Variants in FBXL15 observed in about 807,000 individuals in gnomAD.
The protein encoded by FBXL15 is F-box and leucine rich repeat protein 15.
FBXL15 carries 19 observed loss-of-function variants against 23.6 expected under a neutral mutation model. The observed-to-expected ratio is 0.81, with a 90% confidence interval of 0.56 to 1.18. FBXL15 has a LOEUF of 1.18. Ranked by LOEUF, FBXL15 falls within the 50% of genes most tolerant of loss-of-function variation. The pLI, the probability that FBXL15 is intolerant of heterozygous loss-of-function variation, is 0.00. For missense variants in FBXL15, 385 were observed against 425.4 expected (o/e 0.91, Z 0.83); for synonymous variants, 224 against 207.7 (o/e 1.08, Z -0.67).
chr10:102,420,961 T>C lies in FBXL15; in HGVS notation c.-169T>C. ...GAGGCCTAATGTTACACCACCGGTCTGTTCCGCCTCCGTTTCGGGGTCCAC... is the reference window on the plus strand; with the variant it reads ...GAGGCCTAATGTTACACCACCGGTCCGTTCCGCCTCCGTTTCGGGGTCCAC... On this transcript the variant is annotated 5_prime_UTR_variant, in exon 1 of 4. Coordinates refer to ENST00000369956, the MANE Select transcript of FBXL15 (RefSeq NM_024326.4). 6.6e-7 allele frequency: 1 copy of C among 1,505,030 alleles called. No individual in the cohort carries two copies. Among genetic ancestry groups the C allele is most frequent in the Non-Finnish European group, 8.9e-7 (1 of 1,123,904 alleles). 93.2% of individuals were successfully genotyped at this position (1,505,030 alleles called of 1,614,324 possible). A position where few individuals can be genotyped will look rare whatever the true frequency, so the allele number is the denominator to read the frequency against.
In FBXL15 at chr10:102,422,069, C is replaced by G. The variant is rs1161066050; in HGVS notation, c.490C>G (p.Arg164Gly). ...GCTGGCGCTGCGCGGCCTCGCTGAT[C>G]GCTGCCCGGCCCTGGAGGAGCTGGA... is the stretch of plus-strand genomic sequence containing the variant. ...DGLALRGLAD[R>G]CPALEELDLT... The change falls in exon 3 of 4, where the codon CGC becomes GGC. Residue 164 changes from arginine (R) to glycine (G), a missense_variant. Arg to Gly is a moderately radical substitution (Grantham distance 125). Transcript: ENST00000369956. The G allele has an allele frequency of 6.3e-7, 1 of 1,587,406 alleles. No homozygotes were observed. Among genetic ancestry groups the G allele is most frequent in the Non-Finnish European group, 8.5e-7 (1 of 1,171,522 alleles).
Position 102,422,936 on chromosome 10 carries a change from C to G in FBXL15, c.846C>G (p.Ala282=), listed in dbSNP as rs1486951088. ...ACGTGGAGCCGCCGCTGCACCAGGC[C>G]CTGGTGCTGCTGCAGGATATGGCGG... The part of the protein sequence containing the change: ...DIDVEPPLHQ[A]LVLLQDMAGF... The change falls in exon 4 of 4, where the codon GCC becomes GCG. Residue 282 remains alanine, a synonymous_variant. Coordinates refer to ENST00000369956, the MANE Select transcript of FBXL15 (RefSeq NM_024326.4). The G allele has an allele frequency of 1.2e-6, 2 of 1,607,054 alleles. No homozygotes were observed. Among genetic ancestry groups the G allele is most frequent in the South Asian group, 1.1e-5 (1 of 90,086 alleles).
In FBXL15 at chr10:102,422,787, C is replaced by T. The variant is rs1223049601; in HGVS notation, c.714-17C>T. ...TGGTGGCCTCATGTCCCTAGCCTCA[C>T]CCTGCTCCTCCCTCAGGACATTGGC... is the stretch of plus-strand genomic sequence containing the variant. On this transcript the variant is annotated splice_polypyrimidine_tract_variant and intron_variant, in intron 3 of 3. Coordinates refer to ENST00000369956, the MANE Select transcript of FBXL15 (RefSeq NM_024326.4). The T allele has an allele frequency of 8.8e-6, 14 of 1,596,424 alleles. No individual in the cohort carries two copies. Among genetic ancestry groups the T allele is most frequent in the Non-Finnish European group, 1.2e-5 (14 of 1,177,870 alleles).
At chr10:102,421,761 G>C in intron 2 of FBXL15, 26 bp from the exon 3 acceptor site, 1 of 1,532,870 alleles carries the variant, frequency 6.5e-7, no homozygotes, top group East Asian at 2.4e-5. Context: ...GACGGGCTGA[G>C]AGTTGGGGTG....
At position 102,421,934 on chromosome 10, in the gene FBXL15, G is replaced by C. The variant is rs768914496; in HGVS notation, c.355G>C (p.Val119Leu). 3 of 1,604,268 alleles carry C rather than the reference G, an allele frequency of 1.9e-6. No homozygotes were observed. The South Asian group carries it at 3.3e-5, about 18-fold the overall frequency. The change falls in exon 3 of 4, where the codon GTG becomes CTG. Residue 119 changes from valine (V) to leucine (L), a missense_variant. Coordinates refer to ENST00000369956, the MANE Select transcript of FBXL15 (RefSeq NM_024326.4). The part of the protein sequence containing the change: ...VLARNPQLRS[V>L]ALGGCGQLSR... ...GGCGCGGAATCCGCAGCTGCGGAGTGTGGCGTTGGGCGGCTGCGGGCAACT... is the reference window on the plus strand; with the variant it reads ...GGCGCGGAATCCGCAGCTGCGGAGTCTGGCGTTGGGCGGCTGCGGGCAACT...
At chr10:102,421,203 C>T (rs747320766) in intron 1 of FBXL15, 21 bp downstream of exon 1, 1 of 1,603,432 alleles carries the variant, frequency 6.2e-7, no homozygotes. Flanking sequence ...CCGGAGGGGC[C>T]GAGAGGGAAG....
intron 3 of FBXL15, 35 bp downstream of exon 3, chr10:102,422,327 C>T: frequency 6.8e-7 from 1 of 1,480,812 alleles, no homozygotes; most frequent in Admixed American, 2.5e-5. Flanking sequence ...GGAGGGCAGT[C>T]ACTTAGCCTC....
rs750984998 is a variant in FBXL15 at position 102,421,835 on chromosome 10, G to T, written c.256G>T (p.Ala86Ser). 6.3e-7 allele frequency: 1 copy of T among 1,584,006 alleles called. No individual in the cohort carries two copies. Among genetic ancestry groups the T allele is most frequent in the South Asian group, 1.1e-5 (1 of 87,968 alleles). The stretch of plus-strand genomic sequence containing the variant: ...CGCATTGGCCCGGCTGCTGCGGGAT[G>T]CCGAGGGGCTGCAGGAGCTGGCACT... Reference protein sequence around the residue: ...RAALARLLRDAEGLQELALAP... With the variant: ...RAALARLLRDSEGLQELALAP... The change falls in exon 3 of 4, where the codon GCC (alanine) becomes TCC (serine). Residue 86 changes from alanine to serine, a missense_variant. Coordinates refer to ENST00000369956, the MANE Select transcript of FBXL15 (RefSeq NM_024326.4).
At position 102,422,935 on chromosome 10, in the gene FBXL15, C is replaced by A; in HGVS notation, c.845C>A (p.Ala282Asp). The A allele has an allele frequency of 1.2e-6, 2 of 1,607,096 alleles. No homozygotes were observed. The highest frequency in any genetic ancestry group is 2.7e-5 in the African/African-American group (2 of 74,936). ...GACGTGGAGCCGCCGCTGCACCAGG[C>A]CCTGGTGCTGCTGCAGGATATGGCG... ...DIDVEPPLHQ[A>D]LVLLQDMAGF... is the part of the protein sequence containing the mutation. The change falls in exon 4 of 4, where the codon GCC becomes GAC. Residue 282 changes from alanine (A) to aspartate (D), a missense_variant. Coordinates refer to ENST00000369956, the MANE Select transcript of FBXL15 (RefSeq NM_024326.4).
Position 102,422,900 on chromosome 10 carries a change from C to A in FBXL15, c.810C>A (p.Gly270=). Residue 270 remains glycine, a synonymous_variant, in exon 4 of 4, where the codon GGC becomes GGA. Coordinates refer to ENST00000369956, the MANE Select transcript of FBXL15 (RefSeq NM_024326.4). ...ESSLSRLRKR[G]VDIDVEPPLH... is the part of the protein sequence containing the mutation. Reference sequence around the variant, plus strand: ...GCCTGAGCCGCTTGCGGAAGCGCGGCGTGGACATCGACGTGGAGCCGCCGC... The same window carrying A: ...GCCTGAGCCGCTTGCGGAAGCGCGGAGTGGACATCGACGTGGAGCCGCCGC... 6.2e-7 allele frequency: 1 copy of A among 1,608,672 alleles called. No individual in the cohort carries two copies. Among genetic ancestry groups the A allele is most frequent in the Non-Finnish European group, 8.5e-7 (1 of 1,178,318 alleles).
In FBXL15 at chr10:102,422,890, G is replaced by T; in HGVS notation, c.800G>T (p.Arg267Leu). The change falls in exon 4 of 4, where the codon CGG (arginine) becomes CTG (leucine). Residue 267 changes from arginine to leucine, a missense_variant. By Grantham distance (102) the Arg-to-Leu change is moderately radical (BLOSUM62 -2). Around this residue, in one of 2 missense-constraint regions of FBXL15, gnomAD observed 255 missense variants for 330.2 expected, o/e 0.77. Coordinates refer to ENST00000369956, the MANE Select transcript of FBXL15 (RefSeq NM_024326.4). ...GCGGAGTCCAGCCTGAGCCGCTTGC[G>T]GAAGCGCGGCGTGGACATCGACGTG... ...HVAESSLSRLRKRGVDIDVEP... is the reference protein window; with the variant it reads ...HVAESSLSRLLKRGVDIDVEP... 2 of 1,609,626 alleles carry T rather than the reference G, an allele frequency of 1.2e-6. No individual in the cohort carries two copies. Among genetic ancestry groups the T allele is most frequent in the Non-Finnish European group, 1.7e-6 (2 of 1,178,720 alleles).
Position 102,421,491 on chromosome 10 carries a change from G to T in FBXL15, c.191G>T (p.Arg64Leu). The stretch of plus-strand genomic sequence containing the variant: ...CAGCTTCACCTGGCCGGGCTGCGTC[G>T]CTTCGATGCCGCGCAGGTGAGCCGG... ...LVQLHLAGLR[R>L]FDAAQVGPQI... The change falls in exon 2 of 4, where the codon CGC becomes CTC. Residue 64 changes from arginine (R) to leucine (L), a missense_variant. By Grantham distance (102) the Arg-to-Leu change is moderately radical. This residue lies in a region of FBXL15 where 130 missense variants were observed against 95.1 expected (regional missense o/e 1.37). Coordinates refer to ENST00000369956, the MANE Select transcript of FBXL15 (RefSeq NM_024326.4). 6.8e-7 allele frequency: 1 copy of T among 1,479,942 alleles called. No homozygotes were observed. Among genetic ancestry groups the T allele is most frequent in the Non-Finnish European group, 9.0e-7 (1 of 1,117,086 alleles). 91.7% of individuals were successfully genotyped at this position (1,479,942 alleles called of 1,614,324 possible). A position where few individuals can be genotyped will look rare whatever the true frequency, so the allele number is the denominator to read the frequency against.
At position 102,422,049 on chromosome 10, in the gene FBXL15, C is replaced by T; in HGVS notation, c.470C>T (p.Ala157Val). ...CACTGTGACTGGGTGGACGGGCTGG[C>T]GCTGCGCGGCCTCGCTGATCGCTGC... ...LAHCDWVDGL[A>V]LRGLADRCPA... The change falls in exon 3 of 4, where the codon GCG becomes GTG. Residue 157 changes from alanine (A) to valine (V), a missense_variant. Physicochemically the swap from Ala to Val is moderately conservative, Grantham distance 64 (BLOSUM62 0). Transcript: ENST00000369956. 2 of 1,591,828 alleles carry T rather than the reference C, an allele frequency of 1.3e-6. No individual in the cohort carries two copies. The highest frequency in any genetic ancestry group is 8.5e-7 in the Non-Finnish European group (1 of 1,174,524).
chr10:102,421,508 G>A lies in FBXL15; in HGVS notation c.207+1G>A. On this transcript the variant is annotated splice_donor_variant, in intron 2 of 3. Coordinates refer to ENST00000369956, the MANE Select transcript of FBXL15 (RefSeq NM_024326.4). LOFTEE classifies it high-confidence loss of function. ...GCTGCGTCGCTTCGATGCCGCGCAG[G>A]TGAGCCGGGGGCTGAAGCCCCGCCC... 6.8e-7 allele frequency: 1 copy of A among 1,463,376 alleles called. No individual in the cohort carries two copies. The highest frequency in any genetic ancestry group is 9.0e-7 in the Non-Finnish European group (1 of 1,109,904). The allele number at this position is 1,463,376 out of a possible 1,614,324, so 90.6% of individuals were successfully genotyped here.
intron 1 of FBXL15, 52 bp from the exon 2 acceptor site, chr10:102,421,302 C>A: frequency 6.4e-7 from 1 of 1,557,940 alleles, no homozygotes; most frequent in South Asian, 1.2e-5. Context: ...GAGGCGGACT[C>A]GCAGGTAATA....
intron 3 of FBXL15, 145 bp from the exon 4 acceptor site, chr10:102,422,659 G>A: frequency 2.3e-6 from 2 of 888,478 alleles, no homozygotes; most frequent in Non-Finnish European, 3.3e-6. Flanking sequence ...TGTAGGGACG[G>A]AAAAAGTATG....
Position 102,421,391 on chromosome 10 carries a change from C to A in FBXL15, c.91C>A (p.His31Asn), listed in dbSNP as rs781635107. 5 of 1,574,218 alleles carry A rather than the reference C, an allele frequency of 3.2e-6. No individual in the cohort carries two copies. The South Asian group carries it at 4.6e-5, about 14-fold the overall frequency. ...DLPWEDVLLPHVLNRVPLRQL... is the reference protein window; with the variant it reads ...DLPWEDVLLPNVLNRVPLRQL... ...GCCCTGGGAAGACGTGCTGCTCCCACACGTCCTGAACCGGGTCCCGCTGCG... is the reference window on the plus strand; with the variant it reads ...GCCCTGGGAAGACGTGCTGCTCCCAAACGTCCTGAACCGGGTCCCGCTGCG... The change falls in exon 2 of 4, where the codon CAC becomes AAC. Residue 31 changes from histidine (H) to asparagine (N), a missense_variant. This residue lies in a region of FBXL15 where 130 missense variants were observed against 95.1 expected (regional missense o/e 1.37). Transcript: ENST00000369956.
rs933256052 is a variant in FBXL15 at position 102,421,160 on chromosome 10, G to T, written c.31G>T (p.Glu11Ter). MEPPMEPSGG[E>*]QEPGAVRFLD... ...GCCACCGATGGAGCCGTCCGGAGGG[G>T]AGCAAGAGCCCGGAGCCGTCAGGTA... is the stretch of plus-strand genomic sequence containing the variant. Residue 11 changes from glutamate to a stop codon, truncating the protein, a stop_gained, in exon 1 of 4, where the codon GAG becomes TAG. Coordinates refer to ENST00000369956, the MANE Select transcript of FBXL15 (RefSeq NM_024326.4). LOFTEE classifies it high-confidence loss of function. 1 of 1,611,096 alleles carries T rather than the reference G, an allele frequency of 6.2e-7. No homozygotes were observed. The highest frequency in any genetic ancestry group is 1.3e-5 in the African/African-American group (1 of 74,886).
chr10:102,422,653 G>A, intron 3 of FBXL15, 151 bp from the exon 4 acceptor site: 2 of 841,082 alleles, frequency 2.4e-6, no homozygotes, highest in South Asian at 3.6e-5. Context: ...CCCTTGTGTA[G>A]GGACGGAAAA....
Sources: allele counts gnomAD v4.1 joint callset, GRCh38; gene constraint gnomAD v4.1.1; regional missense constraint gnomAD v4.1.1; transcripts MANE v1.5; gene names NCBI Gene and HGNC (gene_info 2026-07-23, HGNC 2026-07-21).